KCNJ6: variants seen among roughly 807,000 people sequenced by gnomAD.
KCNJ6 encodes the protein G protein-activated inward rectifier potassium channel 2.
In KCNJ6, 9 loss-of-function variants were observed where a neutral mutation model predicts 34.2. The observed-to-expected ratio is 0.26, with a 90% confidence interval of 0.16 to 0.46. The LOEUF (loss-of-function observed/expected upper bound fraction) is 0.46. KCNJ6 is among the 20% of genes least tolerant of loss of function. The probability of loss-of-function intolerance (pLI) is 1.00; values close to 1 mark genes in which losing one functional copy is unlikely to be tolerated. For synonymous variants in KCNJ6, 196 were observed against 207.1 expected, an observed-to-expected ratio of 0.95 and a Z score of 0.46; for missense variants, 236 against 531.3, an observed-to-expected ratio of 0.44 and a Z score of 5.46.
At chr21:37,817,901 A>G (rs773819072) in intron 2 of KCNJ6, among the ~76,000 whole-genome samples, 7 of 152,276 alleles carry the variant, frequency 4.6e-5, no homozygotes, top group Admixed American at 6.5e-5. Context: ...AATTGTCTGA[A>G]TATCATTAAC....
intron 3 of KCNJ6, among the ~76,000 whole-genome samples, chr21:37,651,431 C>T (rs2054432972): frequency 6.6e-6 from 1 of 152,170 alleles, no homozygotes; most frequent in South Asian, 2.1e-4. Context: ...CCTTGAGCTG[C>T]AGTGCTCATA....
At chr21:37,811,230 A>T (rs2211842) in intron 2 of KCNJ6, among the ~76,000 whole-genome samples, 1 of 151,930 alleles carries the variant, frequency 6.6e-6, no homozygotes, top group Non-Finnish European at 1.5e-5. Context: ...GACCTTTCTA[A>T]CCTTTACCCT....
Position 37,623,901 on chromosome 21 carries a change from A to T in KCNJ6, c.*1258T>A, listed in dbSNP as rs2054299530. 6.6e-6 allele frequency: 1 copy of T among 152,240 alleles called. No homozygotes were observed. The highest frequency in any genetic ancestry group is 2.4e-5 in the African/African-American group (1 of 41,468). 9.4% of individuals were successfully genotyped at this position (152,240 alleles called of 1,614,324 possible). ...CATTCTCAGAAAGCCAGATAGAGTCAAAGTGAGAGGTCGATGATTATAATG... is the reference window on the plus strand; with the variant it reads ...CATTCTCAGAAAGCCAGATAGAGTCTAAGTGAGAGGTCGATGATTATAATG... On this transcript the variant is annotated 3_prime_UTR_variant, in exon 4 of 4. Coordinates refer to ENST00000609713, the MANE Select transcript of KCNJ6 (RefSeq NM_002240.5).
At position 37,611,377 on chromosome 21, in the gene KCNJ6, TGGC is replaced by T. The variant is rs1464550492; in HGVS notation, c.*13779_*13781del. 2.0e-5 allele frequency: 3 copies of T among 152,192 alleles called. No individual in the cohort carries two copies. Among genetic ancestry groups the T allele is most frequent in the African/African-American group, 4.8e-5 (2 of 41,452 alleles). The allele number at this position is 152,192 out of a possible 1,614,324, so 9.4% of individuals were successfully genotyped here. On this transcript the variant is annotated 3_prime_UTR_variant, in exon 4 of 4. Transcript: ENST00000609713. ...GTAACCTCCCCAACCAGAAAGCACT[TGGC>T]CCAGATGGGTTCACTGGTGAATTCT...
chr21:37,805,944 C>T (rs2055291521), intron 2 of KCNJ6, among the ~76,000 whole-genome samples: 1 of 152,238 alleles, frequency 6.6e-6, no homozygotes, highest in Non-Finnish European at 1.5e-5. Context: ...TTACAAACTT[C>T]TGGCCTCCAG....
chr21:37,699,867 T>A (rs900146245), intron 3 of KCNJ6, among the ~76,000 whole-genome samples: 3 of 152,156 alleles, frequency 2.0e-5, no homozygotes, highest in Non-Finnish European at 2.9e-5. Context: ...AGACTCTTAG[T>A]AAAATGTGTC....
In KCNJ6 at chr21:37,725,998, C is replaced by T. The variant is rs141378528; in HGVS notation, c.26-10867G>A. On this transcript the variant is annotated intron_variant, in intron 2 of 3. Coordinates refer to ENST00000609713, the MANE Select transcript of KCNJ6 (RefSeq NM_002240.5). ...TCAGCTCACTGCAACCTCTGCCTCC[C>T]GGGTTCAAGCAATTCTCCTGCTTCA... 2.4e-3 allele frequency among the ~76,000 whole-genome samples: 372 copies of T among 152,226 alleles called. 2 individuals are homozygous for T. Among genetic ancestry groups the T allele is most frequent in the African/African-American group, 8.5e-3 (353 of 41,530 alleles).
chr21:37,805,903 C>T (rs979764121), intron 2 of KCNJ6, among the ~76,000 whole-genome samples: 92 of 152,196 alleles, frequency 6.0e-4, no homozygotes, highest in Non-Finnish European at 1.5e-4. Flanking sequence ...CTAGAGCCTT[C>T]AGCGACAGCA....
chr21:37,699,808 G>GTT (rs2054681366), intron 3 of KCNJ6, among the ~76,000 whole-genome samples: 1 of 152,210 alleles, frequency 6.6e-6, no homozygotes, highest in Non-Finnish European at 1.5e-5. Context: ...GTCAGATGGA[G>GTT]TTTATAAGAT....
At position 37,614,320 on chromosome 21, in the gene KCNJ6, CT is replaced by C. The variant is rs2054253179; in HGVS notation, c.*10838del. The C allele has an allele frequency of 6.6e-6, 1 of 151,758 alleles. No homozygotes were observed. 9.4% of individuals were successfully genotyped at this position (151,758 alleles called of 1,614,324 possible). ...TAAGGCTTTGATTTCTGGAAATTTA[CT>C]TTTGTGGTGTCACTCATAACTGATT... is the stretch of plus-strand genomic sequence containing the variant. On this transcript the variant is annotated 3_prime_UTR_variant, in exon 4 of 4. Transcript: ENST00000609713.
At chr21:37,854,221 T>A (rs2055553126) in intron 1 of KCNJ6, among the ~76,000 whole-genome samples, 1 of 150,654 alleles carries the variant, frequency 6.6e-6, no homozygotes, top group Admixed American at 6.6e-5. Flanking sequence ...ATGGGTAGAT[T>A]GAAAGTAAAA....
chr21:37,618,194 T>A lies in KCNJ6; in HGVS notation c.*6965A>T, dbSNP rs1361375741. 6.6e-6 allele frequency: 1 copy of A among 152,282 alleles called. No homozygotes were observed. Among genetic ancestry groups the A allele is most frequent in the Non-Finnish European group, 1.5e-5 (1 of 68,076 alleles). The allele number at this position is 152,282 out of a possible 1,614,324, so 9.4% of individuals were successfully genotyped here. ...CTTCCCCTCTTCTAAGAAGACTGGCTGAAGACCCAGAGGTTTGGGTAATGC... is the reference window on the plus strand; with the variant it reads ...CTTCCCCTCTTCTAAGAAGACTGGCAGAAGACCCAGAGGTTTGGGTAATGC... On this transcript the variant is annotated 3_prime_UTR_variant, in exon 4 of 4. Coordinates refer to ENST00000609713, the MANE Select transcript of KCNJ6 (RefSeq NM_002240.5).
intron 2 of KCNJ6, among the ~76,000 whole-genome samples, chr21:37,743,967 A>C (rs1181522685): frequency 6.6e-6 from 1 of 152,078 alleles, no homozygotes; most frequent in Admixed American, 6.5e-5. Context: ...TATATTCATG[A>C]AAATGCTTTG....
chr21:37,910,264 G>A (rs2055860926), intron 1 of KCNJ6, among the ~76,000 whole-genome samples: 2 of 152,320 alleles, frequency 1.3e-5, no homozygotes, highest in South Asian at 4.1e-4. Flanking sequence ...TGCAGATTCA[G>A]TTAGTAAGAA....
intron 1 of KCNJ6, among the ~76,000 whole-genome samples, chr21:37,892,488 T>TA (rs1365863405): frequency 2.6e-5 from 4 of 152,204 alleles, no homozygotes; most frequent in Admixed American, 1.3e-4. Flanking sequence ...AATACAGCTG[T>TA]AAAAAAATCT....
At chr21:37,720,638 G>C (rs745587933) in intron 2 of KCNJ6, among the ~76,000 whole-genome samples, 1 of 152,094 alleles carries the variant, frequency 6.6e-6, no homozygotes, top group African/African-American at 2.4e-5. Flanking sequence ...TGACACAGAA[G>C]TGTGGTTTCT....
intron 2 of KCNJ6, among the ~76,000 whole-genome samples, chr21:37,724,724 G>A (rs2054844982): frequency 1.3e-5 from 2 of 152,168 alleles, no homozygotes; most frequent in Admixed American, 1.3e-4. Flanking sequence ...AGGCAACCAG[G>A]TGTGTGGGGC....
chr21:37,835,140 T>C (rs940602905), intron 2 of KCNJ6, among the ~76,000 whole-genome samples: 1 of 152,160 alleles, frequency 6.6e-6, no homozygotes, highest in Non-Finnish European at 1.5e-5. Context: ...AGCCAACTCC[T>C]TCTGCCAAGA....
At position 37,676,123 on chromosome 21, in the gene KCNJ6, T is replaced by C. The variant is rs545570778; in HGVS notation, c.946+38088A>G. On this transcript the variant is annotated intron_variant, in intron 3 of 3. Transcript: ENST00000609713. ...GCAGGGCTGAGTGCGGAAAGGGAGA[T>C]GGGCAGGCCCATGGCGTGGGGACTG... Among the ~76,000 whole-genome samples the C allele has an allele frequency of 5.3e-4, 80 of 152,294 alleles. 1 individual carries two copies. The highest frequency in any genetic ancestry group is 1.9e-3 in the African/African-American group (79 of 41,562).
Sources: allele counts gnomAD v4.1 joint callset (sites outside exome capture counted in the v4.1 genomes callset), GRCh38; gene constraint gnomAD v4.1.1; transcripts MANE v1.5; gene names NCBI Gene and HGNC (gene_info 2026-07-23, HGNC 2026-07-21).